SPECC1: variants seen among roughly 807,000 people sequenced by gnomAD.
The protein encoded by SPECC1 is cytospin-B.
A neutral mutation model predicts 104.1 loss-of-function variants in SPECC1; 62 were observed. The observed-to-expected ratio is 0.60, with a 90% confidence interval of 0.49 to 0.74. SPECC1 has a LOEUF of 0.74. Among genes scored for constraint, SPECC1 ranks in the 30% least tolerant of loss-of-function variants. SPECC1 has a pLI of 0.00. For missense variants in SPECC1, 1,306 were observed against 1,310.5 expected (o/e 1.00, Z 0.05); for synonymous variants, 513 against 501.6 (o/e 1.02, Z -0.30).
chr17:20,215,266 T>C (rs895713318), intron 4 of SPECC1, among the ~76,000 whole-genome samples: 6 of 152,216 alleles, frequency 3.9e-5, no homozygotes, highest in Non-Finnish European at 8.8e-5. Context: ...CAGAGGAGGT[T>C]GCGACTCTGA....
At chr17:20,250,538 G>A (rs1473350800) in intron 9 of SPECC1, among the ~76,000 whole-genome samples, 1 of 152,180 alleles carries the variant, frequency 6.6e-6, no homozygotes, top group Admixed American at 6.5e-5. Flanking sequence ...TTAGAAAAAT[G>A]TAACGTGCTA....
chr17:20,240,691 A>T (rs148507611), intron 7 of SPECC1, among the ~76,000 whole-genome samples: 2 of 152,198 alleles, frequency 1.3e-5, no homozygotes, highest in African/African-American at 4.8e-5. Context: ...GGTTTATGTC[A>T]TCCACATTCA....
intron 4 of SPECC1, among the ~76,000 whole-genome samples, chr17:20,215,503 T>C (rs1555630474): frequency 6.6e-6 from 1 of 152,218 alleles, no homozygotes; most frequent in Non-Finnish European, 1.5e-5. Flanking sequence ...AATAAAACTG[T>C]CTGTACAACT....
At chr17:20,068,279 C>T (rs543452544) in intron 1 of SPECC1, among the ~76,000 whole-genome samples, 1 of 152,280 alleles carries the variant, frequency 6.6e-6, no homozygotes, top group African/African-American at 2.4e-5. Flanking sequence ...TCCTTTTGTT[C>T]AACATAAGGT....
chr17:20,200,136 T>G (rs1207137211), intron 3 of SPECC1, among the ~76,000 whole-genome samples: 1 of 152,232 alleles, frequency 6.6e-6, no homozygotes, highest in Non-Finnish European at 1.5e-5. Flanking sequence ...TTTTTTCATA[T>G]ACAGTTTGGC....
chr17:20,022,350 A>G (rs1338055980), intron 1 of SPECC1, among the ~76,000 whole-genome samples: 1 of 152,132 alleles, frequency 6.6e-6, no homozygotes, highest in Non-Finnish European at 1.5e-5. Context: ...TTGCCTGTTC[A>G]TGTCCTTTCC....
chr17:20,200,416 A>G (rs2036342952), intron 3 of SPECC1, among the ~76,000 whole-genome samples: 1 of 152,176 alleles, frequency 6.6e-6, no homozygotes. Context: ...TAATTATGAG[A>G]TGGAGCTTGC....
intron 3 of SPECC1, chr17:20,156,293 G>T: frequency 7.7e-7 from 1 of 1,303,972 alleles, no homozygotes; most frequent in South Asian, 2.1e-5. Flanking sequence ...CCCTCCAGGC[G>T]CCCTTCCCCC....
At chr17:20,197,499 C>T (rs367557572) in intron 3 of SPECC1, among the ~76,000 whole-genome samples, 4 of 122,526 alleles carry the variant, frequency 3.3e-5, no homozygotes, top group East Asian at 5.4e-4. Flanking sequence ...AGCTACAGCA[C>T]GGGACAGTCT....
chr17:20,235,067 C>T (rs2038828288), intron 7 of SPECC1, among the ~76,000 whole-genome samples: 1 of 152,226 alleles, frequency 6.6e-6, no homozygotes, highest in South Asian at 2.1e-4. Flanking sequence ...TGCCTCTTGC[C>T]TCTGTTAAAA....
chr17:20,238,944 T>A, intron 7 of SPECC1: 1 of 1,040,246 alleles, frequency 9.6e-7, no homozygotes, highest in Non-Finnish European at 1.2e-6. Context: ...GGCCTTTATG[T>A]CGTTTTGTTC....
At chr17:20,185,821 G>A (rs1270550381) in intron 3 of SPECC1, among the ~76,000 whole-genome samples, 2 of 152,136 alleles carry the variant, frequency 1.3e-5, no homozygotes, top group African/African-American at 4.8e-5. Flanking sequence ...CAAGTGTGGT[G>A]TCCTGTTTTG....
intron 4 of SPECC1, among the ~76,000 whole-genome samples, chr17:20,219,904 G>C (rs751062652): frequency 5.9e-5 from 9 of 152,090 alleles, no homozygotes; most frequent in Non-Finnish European, 1.3e-4. Context: ...TGGATATCCA[G>C]TTTTCCTAGC....
chr17:20,271,883 G>A (rs1181925247), intron 12 of SPECC1, among the ~76,000 whole-genome samples: 10 of 151,160 alleles, frequency 6.6e-5, no homozygotes, highest in Admixed American at 6.6e-4. Context: ...GTTTCTTTAG[G>A]TATAAGATTT....
intron 1 of SPECC1, among the ~76,000 whole-genome samples, chr17:20,042,887 TCCAGAA>T (rs780339978): frequency 6.6e-6 from 1 of 152,176 alleles, no homozygotes; most frequent in Non-Finnish European, 1.5e-5. Context: ...CTCTTCCCCT[TCCAGAA>T]CCTTCTTATA....
chr17:20,169,176 T>G (rs1163279204), intron 3 of SPECC1, among the ~76,000 whole-genome samples: 1 of 152,122 alleles, frequency 6.6e-6, no homozygotes, highest in African/African-American at 2.4e-5. Flanking sequence ...GCCACAATGG[T>G]TTGTTAAAAG....
chr17:20,291,820 C>T (rs1598152724), intron 12 of SPECC1, among the ~76,000 whole-genome samples: 1 of 152,034 alleles, frequency 6.6e-6, no homozygotes, highest in South Asian at 2.1e-4. Context: ...TCTGGGGTTA[C>T]AGCGTGAGCT....
chr17:20,240,567 C>T (rs144701267), intron 7 of SPECC1, among the ~76,000 whole-genome samples: 84 of 152,066 alleles, frequency 5.5e-4, no homozygotes, highest in Non-Finnish European at 1.1e-3. Context: ...GCCATTTGAT[C>T]CACCTCTCTT....
At chr17:20,312,531 A>T (rs1239401133) in intron 14 of SPECC1, among the ~76,000 whole-genome samples, 1 of 152,120 alleles carries the variant, frequency 6.6e-6, no homozygotes, top group Non-Finnish European at 1.5e-5. Flanking sequence ...TTGTGTTTGT[A>T]GGTATCCCTT....
Sources: allele counts gnomAD v4.1 joint callset (sites outside exome capture counted in the v4.1 genomes callset), GRCh38; gene constraint gnomAD v4.1.1; transcripts MANE v1.5; gene names NCBI Gene and HGNC (gene_info 2026-07-23, HGNC 2026-07-21).